CDH18: variants seen among roughly 807,000 people sequenced by gnomAD.
The protein encoded by CDH18 is cadherin 18, also known as cadherin-18.
CDH18 carries 31 observed loss-of-function variants against 67.9 expected under a neutral mutation model. The ratio of observed to expected loss-of-function variants is 0.46; its 90% CI spans 0.34 to 0.62. The LOEUF (loss-of-function observed/expected upper bound fraction) is 0.62, where lower values mean the gene tolerates loss of function less well. Among genes scored for constraint, CDH18 ranks in the 20% least tolerant of loss-of-function variants. The pLI is 0.01. For synonymous variants in CDH18, 362 were observed against 347.2 expected, an observed-to-expected ratio of 1.04 and a Z score of -0.48; for missense variants, 890 against 975.5, an observed-to-expected ratio of 0.91 and a Z score of 1.17.
chr5:19,543,185 T>G (rs1750549908), intron 9 of CDH18, among the ~76,000 whole-genome samples: 1 of 152,184 alleles, frequency 6.6e-6, no homozygotes, highest in Non-Finnish European at 1.5e-5. Context: ...GATGGATTCA[T>G]TTTCTTAGAG....
At chr5:19,752,287 T>C (rs1370961290) in intron 3 of CDH18, among the ~76,000 whole-genome samples, 4 of 151,996 alleles carry the variant, frequency 2.6e-5, no homozygotes, top group Non-Finnish European at 5.9e-5. Flanking sequence ...CGGCGGTAAG[T>C]CCTCAGCCCT....
At chr5:20,572,460 C>A (rs1279423511) in intron 1 of CDH18, among the ~76,000 whole-genome samples, 1 of 151,950 alleles carries the variant, frequency 6.6e-6, no homozygotes, top group Admixed American at 6.6e-5. Context: ...ATTAATATTT[C>A]AAGCCGTTGT....
chr5:19,506,880 C>T (rs537044162), intron 10 of CDH18, among the ~76,000 whole-genome samples: 223 of 152,254 alleles, frequency 1.5e-3, no homozygotes, highest in African/African-American at 5.2e-3. Flanking sequence ...AAAGCAATGG[C>T]AACAAAAGCC....
In CDH18 at chr5:19,535,338, G is replaced by A. The variant is rs114532905; in HGVS notation, c.1390+8531C>T. Reference sequence around the variant, plus strand: ...CGAGCTAAGTAAAAGTGCTAATTAGGATCTCTTTGTGTGCTAAGGGAAATT... The same window carrying A: ...CGAGCTAAGTAAAAGTGCTAATTAGAATCTCTTTGTGTGCTAAGGGAAATT... On this transcript the variant is annotated intron_variant, in intron 9 of 12. Coordinates refer to ENST00000382275, the MANE Select transcript of CDH18 (RefSeq NM_004934.5). Among the ~76,000 whole-genome samples, 782 of 152,198 alleles carry A rather than the reference G, an allele frequency of 5.1e-3. 4 individuals carry two copies. The highest frequency in any genetic ancestry group is 0.018 in the African/African-American group (731 of 41,532).
At chr5:20,387,186 T>C (rs1036231609) in intron 1 of CDH18, among the ~76,000 whole-genome samples, 1 of 152,206 alleles carries the variant, frequency 6.6e-6, no homozygotes, top group Admixed American at 6.5e-5. Flanking sequence ...ATGATATTGA[T>C]TCTTCCTACC....
At chr5:20,051,712 G>A (rs111503715) in intron 2 of CDH18, among the ~76,000 whole-genome samples, 1 of 152,052 alleles carries the variant, frequency 6.6e-6, no homozygotes, top group African/African-American at 2.4e-5. Flanking sequence ...TCTATATCTA[G>A]ATACAGATAT....
At chr5:20,451,929 T>C (rs946299377) in intron 1 of CDH18, among the ~76,000 whole-genome samples, 1 of 152,300 alleles carries the variant, frequency 6.6e-6, no homozygotes, top group Middle Eastern at 3.4e-3. Flanking sequence ...AAACCATAAA[T>C]GATTAGAAGA....
intron 10 of CDH18, among the ~76,000 whole-genome samples, chr5:19,515,842 C>T (rs528359550): frequency 1.2e-4 from 19 of 152,032 alleles, no homozygotes; most frequent in East Asian, 1.2e-3. Context: ...TACTCTATTT[C>T]TTTCTCTTGC....
At chr5:19,569,608 G>A (rs938478680) in intron 8 of CDH18, among the ~76,000 whole-genome samples, 3 of 152,044 alleles carry the variant, frequency 2.0e-5, no homozygotes, top group Non-Finnish European at 4.4e-5. Flanking sequence ...TTTATCATGA[G>A]GACTACTATA....
In CDH18 at chr5:19,473,521, G is replaced by A. The variant is rs1579646055; in HGVS notation, c.2078C>T (p.Pro693Leu). 6 of 1,613,684 alleles carry A rather than the reference G, an allele frequency of 3.7e-6. No homozygotes were observed. The East Asian group carries it at 1.3e-4, about 36-fold the overall frequency. Residue 693 changes from proline to leucine, a missense_variant, in exon 13 of 13, where the codon CCT becomes CTT. Coordinates refer to ENST00000382275, the MANE Select transcript of CDH18 (RefSeq NM_004934.5). ...GTGTCTGGGAGTGAGCTTCACTTCA[G>A]GTCTGATATCCCTCCGGTACTTGAG... ...EELKYRRDIR[P>L]EVKLTPRHQT...
chr5:20,475,810 T>C (rs887233341), intron 1 of CDH18, among the ~76,000 whole-genome samples: 1 of 152,144 alleles, frequency 6.6e-6, no homozygotes, highest in Non-Finnish European at 1.5e-5. Flanking sequence ...GAAAATAAGA[T>C]GCTTTGGGTA....
intron 6 of CDH18, among the ~76,000 whole-genome samples, chr5:19,605,479 T>A (rs1392716082): frequency 2.6e-5 from 4 of 152,028 alleles, no homozygotes; most frequent in Non-Finnish European, 4.4e-5. Context: ...GTTCATCCTT[T>A]CAATTTAGCC....
chr5:20,558,645 C>A (rs1371364575), intron 1 of CDH18, among the ~76,000 whole-genome samples: 1 of 151,986 alleles, frequency 6.6e-6, no homozygotes, highest in Non-Finnish European at 1.5e-5. Flanking sequence ...CTCCTCAAGT[C>A]TGGGTTCAGC....
chr5:20,325,789 T>A (rs758181084), intron 1 of CDH18, among the ~76,000 whole-genome samples: 12 of 152,222 alleles, frequency 7.9e-5, no homozygotes, highest in Non-Finnish European at 1.8e-4. Context: ...TCATTGCATT[T>A]TATATTCTCT....
At chr5:19,698,964 T>C (rs541980014) in intron 5 of CDH18, among the ~76,000 whole-genome samples, 26 of 152,096 alleles carry the variant, frequency 1.7e-4, no homozygotes, top group Non-Finnish European at 2.8e-4. Context: ...TCCCTACAGG[T>C]TCCCAAACAT....
chr5:19,628,106 G>T (rs1369616354), intron 5 of CDH18, among the ~76,000 whole-genome samples: 6 of 152,098 alleles, frequency 3.9e-5, no homozygotes, highest in Non-Finnish European at 8.8e-5. Context: ...GAATCATGGT[G>T]GTGGTTTCTC....
At chr5:19,618,756 G>A (rs1360292098) in intron 5 of CDH18, among the ~76,000 whole-genome samples, 1 of 152,140 alleles carries the variant, frequency 6.6e-6, no homozygotes, top group African/African-American at 2.4e-5. Flanking sequence ...TCTTGTGAAT[G>A]TACAAATTTG....
chr5:20,026,834 G>T (rs1220003146), intron 2 of CDH18, among the ~76,000 whole-genome samples: 1 of 152,104 alleles, frequency 6.6e-6, no homozygotes, highest in East Asian at 1.9e-4. Context: ...GTGGGCACCT[G>T]TAGTCCCAGC....
intron 8 of CDH18, among the ~76,000 whole-genome samples, chr5:19,567,019 C>G (rs982710029): frequency 6.6e-6 from 1 of 151,888 alleles, no homozygotes; most frequent in African/African-American, 2.4e-5. Context: ...TATGTAGGAG[C>G]TAAAATTAGA....
Sources: gnomAD v4.1 joint callset for allele counts (sites outside exome capture counted in the v4.1 genomes callset) on GRCh38, gnomAD v4.1.1 for gene constraint, MANE v1.5 for transcripts, NCBI Gene and HGNC (gene_info 2026-07-23, HGNC 2026-07-21) for gene names.